The following CGNL1 variants were observed in gnomAD, a reference collection of about 807,000 sequenced individuals.
CGNL1 encodes cingulin-like protein 1.
Under a neutral mutation model 141.2 loss-of-function variants are expected in CGNL1, and 132 were observed. That is an observed-to-expected ratio of 0.93 (90% CI 0.81 to 1.08). The LOEUF (loss-of-function observed/expected upper bound fraction) is 1.08, where lower values mean the gene tolerates loss of function less well. CGNL1 is among the 50% of genes least tolerant of loss of function. The pLI, the probability that CGNL1 is intolerant of heterozygous loss-of-function variation, is 0.00. For synonymous variants in CGNL1, 690 were observed against 622.1 expected, an observed-to-expected ratio of 1.11 and a Z score of -1.63; for missense variants, 1,870 against 1,588.6, an observed-to-expected ratio of 1.18 and a Z score of -3.01.
chr15:57,520,387 A>T (rs1466803908), intron 10 of CGNL1, among the ~76,000 whole-genome samples: 8 of 152,206 alleles, frequency 5.3e-5, no homozygotes, highest in Non-Finnish European at 7.3e-5. Context: ...TGTTTTTCTC[A>T]GTCTTTGTGC....
chr15:57,435,172 A>G (rs2063090727), intron 1 of CGNL1, among the ~76,000 whole-genome samples: 1 of 152,198 alleles, frequency 6.6e-6, no homozygotes. Context: ...TAAAAATTTT[A>G]TAAGAAAAGT....
chr15:57,528,911 A>T (rs2031789609), intron 13 of CGNL1, 96 bp downstream of exon 13: 2 of 1,360,970 alleles, frequency 1.5e-6, no homozygotes, highest in Admixed American at 5.1e-5. Flanking sequence ...AGCCTTTGGG[A>T]AGTCTTGGAT....
chr15:57,481,534 T>C (rs1252471004), intron 8 of CGNL1, among the ~76,000 whole-genome samples: 1 of 152,210 alleles, frequency 6.6e-6, no homozygotes, highest in African/African-American at 2.4e-5. Context: ...TCCTTTTTAT[T>C]GCTCAGTGGT....
At chr15:57,516,020 G>T (rs575901173) in intron 8 of CGNL1, among the ~76,000 whole-genome samples, 2 of 151,846 alleles carry the variant, frequency 1.3e-5, no homozygotes, top group Admixed American at 6.6e-5. Context: ...TTAGCCAGGC[G>T]TGGTGGCGGG....
chr15:57,425,225 G>C (rs145535691), intron 1 of CGNL1, among the ~76,000 whole-genome samples: 1 of 152,126 alleles, frequency 6.6e-6, no homozygotes, highest in African/African-American at 2.4e-5. Flanking sequence ...TAGGCTGGGC[G>C]TGGTGGCTCG....
intron 1 of CGNL1, among the ~76,000 whole-genome samples, chr15:57,414,061 G>C (rs1394773610): frequency 6.6e-6 from 1 of 152,234 alleles, no homozygotes; most frequent in Non-Finnish European, 1.5e-5. Flanking sequence ...GTTTACTAAA[G>C]TGATCTGGAT....
intron 8 of CGNL1, among the ~76,000 whole-genome samples, chr15:57,501,898 G>A (rs2152389477): frequency 6.6e-6 from 1 of 152,282 alleles, no homozygotes; most frequent in South Asian, 2.1e-4. Flanking sequence ...GGGTCCCATG[G>A]GTGTCTGTGT....
At chr15:57,481,091 A>C (rs1325503073) in intron 8 of CGNL1, among the ~76,000 whole-genome samples, 3 of 101,810 alleles carry the variant, frequency 2.9e-5, no homozygotes, top group Non-Finnish European at 6.8e-5. Flanking sequence ...TTTTTTAAAG[A>C]TGGGCAAAGT....
intron 9 of CGNL1, among the ~76,000 whole-genome samples, chr15:57,518,026 A>G (rs1595788772): frequency 6.6e-6 from 1 of 151,190 alleles, no homozygotes; most frequent in African/African-American, 2.4e-5. Context: ...CCAGCTGGGC[A>G]TGGTGGCTCA....
At chr15:57,534,122 C>A (rs1339995406) in intron 14 of CGNL1, among the ~76,000 whole-genome samples, 1 of 152,242 alleles carries the variant, frequency 6.6e-6, no homozygotes, top group African/African-American at 2.4e-5. Context: ...GCGTCTGACT[C>A]ACCCTTTACT....
At chr15:57,422,365 C>G (rs1284501834) in intron 1 of CGNL1, among the ~76,000 whole-genome samples, 3 of 147,802 alleles carry the variant, frequency 2.0e-5, no homozygotes, top group African/African-American at 2.5e-5. Flanking sequence ...TGGTGTGACT[C>G]AAGGCTCCCA....
intron 1 of CGNL1, among the ~76,000 whole-genome samples, chr15:57,417,999 G>A (rs1272292682): frequency 6.6e-6 from 1 of 152,126 alleles, no homozygotes; most frequent in African/African-American, 2.4e-5. Flanking sequence ...GGTGGCTTGA[G>A]CCTTTGGGGG....
chr15:57,422,927 G>T (rs2062931993), intron 1 of CGNL1, among the ~76,000 whole-genome samples: 2 of 152,146 alleles, frequency 1.3e-5, no homozygotes, highest in African/African-American at 4.8e-5. Context: ...GTGTTAGATG[G>T]TCCCCAAAAG....
rs1326828291 is a variant in CGNL1 at position 57,437,976 on chromosome 15, C to T, written c.-15-9C>T. 1.9e-6 allele frequency: 3 copies of T among 1,598,012 alleles called. No homozygotes were observed. The South Asian group carries it at 3.3e-5, about 18-fold the overall frequency. ...AATGTCCTCTTTTTACCCCATCTCT[C>T]CCTGGTAGCTGGAACAGTGAACCAT... is the stretch of plus-strand genomic sequence containing the variant. On this transcript the variant is annotated splice_polypyrimidine_tract_variant and intron_variant, in intron 1 of 18. Transcript: ENST00000281282.
chr15:57,464,071 TC>T (rs1316456576), intron 8 of CGNL1, among the ~76,000 whole-genome samples: 1 of 77,560 alleles, frequency 1.3e-5, no homozygotes, highest in Non-Finnish European at 2.6e-5. Flanking sequence ...GGCACTTTTG[TC>T]CTTTTTTTTT....
At chr15:57,521,399 A>AC (rs1392707642) in intron 10 of CGNL1, among the ~76,000 whole-genome samples, 3 of 152,060 alleles carry the variant, frequency 2.0e-5, no homozygotes, top group Admixed American at 6.6e-5. Flanking sequence ...AAGTACAGAC[A>AC]CCCCATCCTT....
intron 10 of CGNL1, among the ~76,000 whole-genome samples, chr15:57,523,266 C>T (rs1167768113): frequency 1.3e-5 from 2 of 152,198 alleles, no homozygotes; most frequent in Admixed American, 6.5e-5. Flanking sequence ...CCCCTTCATT[C>T]CTGTGGATGT....
intron 8 of CGNL1, among the ~76,000 whole-genome samples, chr15:57,516,188 A>G (rs2030782920): frequency 6.6e-6 from 1 of 151,412 alleles, no homozygotes; most frequent in African/African-American, 2.4e-5. Flanking sequence ...AAAAGAAAGA[A>G]AAAGAGACCC....
At chr15:57,472,736 A>G (rs1342301613) in intron 8 of CGNL1, among the ~76,000 whole-genome samples, 2 of 152,210 alleles carry the variant, frequency 1.3e-5, no homozygotes, top group African/African-American at 2.4e-5. Context: ...GCTAAGTGCC[A>G]GTCTGCTGAA....
Sources: gnomAD v4.1 joint callset for allele counts (sites outside exome capture counted in the v4.1 genomes callset) on GRCh38, gnomAD v4.1.1 for gene constraint, MANE v1.5 for transcripts, NCBI Gene and HGNC (gene_info 2026-07-23, HGNC 2026-07-21) for gene names.